The following SLC7A8 variants were observed in gnomAD, a reference collection of about 807,000 sequenced individuals.
SLC7A8 encodes solute carrier family 7 member 8.
A neutral mutation model predicts 51.2 loss-of-function variants in SLC7A8; 30 were observed. The observed-to-expected ratio is 0.59, with a 90% CI of 0.44 to 0.80. SLC7A8 has a LOEUF of 0.80. Ranked by LOEUF, SLC7A8 falls within the 30% of genes least tolerant of loss-of-function variation. SLC7A8 has a pLI of 0.00. For missense variants in SLC7A8, 612 were observed against 674.4 expected (o/e 0.91, Z 1.03); for synonymous variants, 257 against 275.8 (o/e 0.93, Z 0.67).
At position 23,165,870 on chromosome 14, in the gene SLC7A8, C is replaced by T. The variant is rs1215627092; in HGVS notation, c.357-434G>A. Among the ~76,000 whole-genome samples, 1 of 152,076 alleles carries T rather than the reference C, an allele frequency of 6.6e-6. No individual in the cohort carries two copies. The highest frequency in any genetic ancestry group is 1.5e-5 in the Non-Finnish European group (1 of 68,012). On this transcript the variant is annotated intron_variant, in intron 2 of 10. Transcript: ENST00000316902. The surrounding 1 kb of genome is among the most constrained non-coding windows in gnomAD (Gnocchi z 4.2). ...TTTTGGCCCATTGGTGAGGGTTTAC[C>T]AATGGCAGGGATGCAGAAATTGAGG...
intron 3 of SLC7A8, among the ~76,000 whole-genome samples, chr14:23,147,145 A>G (rs1458379418): frequency 6.9e-6 from 1 of 144,086 alleles, no homozygotes; most frequent in Non-Finnish European, 1.5e-5. Context: ...GCCATCATCC[A>G]TGCATCCATC....
At chr14:23,130,307 T>C (rs537401679) in intron 8 of SLC7A8, among the ~76,000 whole-genome samples, 32 of 152,358 alleles carry the variant, frequency 2.1e-4, no homozygotes, top group Middle Eastern at 3.4e-3. Context: ...GCACTTACTG[T>C]GTGCCAGGTC....
At chr14:23,132,989 G>C (rs1275156897) in intron 7 of SLC7A8, among the ~76,000 whole-genome samples, 1 of 152,062 alleles carries the variant, frequency 6.6e-6, no homozygotes, top group Non-Finnish European at 1.5e-5. Flanking sequence ...ATGTTGCCCA[G>C]GCTGGTCTCG....
chr14:23,150,015 T>C (rs1465497321), intron 3 of SLC7A8, among the ~76,000 whole-genome samples: 1 of 152,210 alleles, frequency 6.6e-6, no homozygotes, highest in Non-Finnish European at 1.5e-5. Context: ...AATGACTAAA[T>C]CATCTAAGGA....
At position 23,127,350 on chromosome 14, in the gene SLC7A8, G is replaced by C. The variant is rs748775391; in HGVS notation, c.1442-7C>G. The C allele has an allele frequency of 9.3e-6, 15 of 1,613,168 alleles. No individual in the cohort carries two copies. The South Asian group carries it at 1.5e-4, about 17-fold the overall frequency. The stretch of plus-strand genomic sequence containing the variant: ...CTCACCAGGGTTAGCAGCTCTGTAG[G>C]AAGAGATCACACAGAAACCAGGCCA... On this transcript the variant is annotated splice_region_variant and splice_polypyrimidine_tract_variant and intron_variant, in intron 10 of 10. Coordinates refer to ENST00000316902, the MANE Select transcript of SLC7A8 (RefSeq NM_012244.4).
intron 3 of SLC7A8, among the ~76,000 whole-genome samples, chr14:23,145,226 G>T (rs1203367783): frequency 6.7e-6 from 1 of 149,880 alleles, no homozygotes; most frequent in Non-Finnish European, 1.5e-5. Flanking sequence ...GCATTTCTTT[G>T]TATTAAAATG....
chr14:23,178,294 C>T (rs566437212), intron 1 of SLC7A8, among the ~76,000 whole-genome samples: 2 of 152,312 alleles, frequency 1.3e-5, no homozygotes, highest in Admixed American at 6.5e-5. Context: ...GGGAACTCCA[C>T]GTTCATGGTG....
intron 3 of SLC7A8, among the ~76,000 whole-genome samples, chr14:23,144,341 A>ATT (rs67517828): frequency 4.1e-4 from 47 of 114,318 alleles, no homozygotes; most frequent in Non-Finnish European, 5.2e-4. Context: ...TTTAAACACA[A>ATT]TTTTTTTTTT....
chr14:23,173,982 C>T (rs2048987546), intron 1 of SLC7A8, among the ~76,000 whole-genome samples: 1 of 152,170 alleles, frequency 6.6e-6, no homozygotes, highest in African/African-American at 2.4e-5. Context: ...CATTGCACAG[C>T]TAAGTAAACT....
In SLC7A8 at chr14:23,143,131, C is replaced by T; in HGVS notation, c.582G>A (p.Lys194=). 1 of 1,614,222 alleles carries T rather than the reference C, an allele frequency of 6.2e-7. No individual in the cohort carries two copies. The highest frequency in any genetic ancestry group is 1.1e-5 in the South Asian group (1 of 91,088). Residue 194 remains lysine, a synonymous_variant, in exon 4 of 11, where the codon AAG becomes AAA. Coordinates refer to ENST00000316902, the MANE Select transcript of SLC7A8 (RefSeq NM_012244.4). ...TRVQDIFTAG[K]LLALALIIIM... ...TGATAATCAGGGCCAAGGCCAGGAG[C>T]TTCCCAGCTGTGAAGATGTCTTGAA...
At position 23,160,422 on chromosome 14, in the gene SLC7A8, T is replaced by A. The variant is rs528714863; in HGVS notation, c.508+4863A>T. 6.6e-5 allele frequency among the ~76,000 whole-genome samples: 10 copies of A among 152,010 alleles called. No individual in the cohort carries two copies. In the South Asian group the frequency reaches 2.1e-3, roughly 32 times the overall value. On this transcript the variant is annotated intron_variant, in intron 3 of 10. Transcript: ENST00000316902. The stretch of plus-strand genomic sequence containing the variant: ...CTGTCTGTACTAAAAACACAAAAAA[T>A]TAGCCGGACGTGGTGGCGGGCGCCT...
chr14:23,157,948 G>A (rs562501623), intron 3 of SLC7A8, among the ~76,000 whole-genome samples: 44 of 152,250 alleles, frequency 2.9e-4, no homozygotes, highest in Non-Finnish European at 4.4e-4. Flanking sequence ...CCCCATGCCT[G>A]CCACAGTGCC....
chr14:23,138,883 C>T (rs2048715403), intron 6 of SLC7A8, among the ~76,000 whole-genome samples: 1 of 152,106 alleles, frequency 6.6e-6, no homozygotes, highest in Non-Finnish European at 1.5e-5. Context: ...TGGGTGGTGG[C>T]CCAGCCTGAT....
At chr14:23,180,095 A>G (rs1877100475) in intron 1 of SLC7A8, among the ~76,000 whole-genome samples, 1 of 151,942 alleles carries the variant, frequency 6.6e-6, no homozygotes, top group Non-Finnish European at 1.5e-5. Context: ...TTTAGTAGAG[A>G]CGAGGTTTCA....
intron 5 of SLC7A8, 94 bp from the exon 6 acceptor site, chr14:23,139,641 G>A (rs2048724629): frequency 8.3e-6 from 12 of 1,447,094 alleles, no homozygotes; most frequent in South Asian, 5.5e-5. Flanking sequence ...TTCTGCATGC[G>A]TGTAGCCTTA....
At chr14:23,129,627 A>G (rs2048612621) in intron 9 of SLC7A8, 23 bp downstream of exon 9, 2 of 1,612,052 alleles carry the variant, frequency 1.2e-6, no homozygotes, top group Non-Finnish European at 1.7e-6. Context: ...AGGGGAGGGG[A>G]CCCCAAAGGG....
At chr14:23,152,077 GA>G (rs1290140171) in intron 3 of SLC7A8, among the ~76,000 whole-genome samples, 9 of 150,018 alleles carry the variant, frequency 6.0e-5, no homozygotes, top group South Asian at 4.2e-4. Flanking sequence ...CAAAAGCAAA[GA>G]AAAAAAAAGC....
intron 3 of SLC7A8, among the ~76,000 whole-genome samples, chr14:23,149,988 C>T (rs1178778520): frequency 6.6e-6 from 1 of 152,210 alleles, no homozygotes; most frequent in African/African-American, 2.4e-5. Context: ...TGTCAGTACA[C>T]TCTATGATGT....
chr14:23,127,045 A>G lies in SLC7A8; in HGVS notation c.*132T>C. Reference sequence around the variant, plus strand: ...TTGTTTACAATTTCTCACCACCCACACCAAAGTCCTACCACTGCCTGACAA... The same window carrying G: ...TTGTTTACAATTTCTCACCACCCACGCCAAAGTCCTACCACTGCCTGACAA... On this transcript the variant is annotated 3_prime_UTR_variant, in exon 11 of 11. Coordinates refer to ENST00000316902, the MANE Select transcript of SLC7A8 (RefSeq NM_012244.4). 1.7e-6 allele frequency: 2 copies of G among 1,152,320 alleles called. No individual in the cohort carries two copies. Among genetic ancestry groups the G allele is most frequent in the Non-Finnish European group, 2.5e-6 (2 of 801,520 alleles). The allele number at this position is 1,152,320 out of a possible 1,614,324, so 71.4% of individuals were successfully genotyped here.
Sources: gnomAD v4.1 joint callset for allele counts (sites outside exome capture counted in the v4.1 genomes callset) on GRCh38, gnomAD v4.1.1 for gene constraint, Gnocchi (gnomAD v3.1) non-coding constraint, MANE v1.5 for transcripts, NCBI Gene and HGNC (gene_info 2026-07-23, HGNC 2026-07-21) for gene names.